The following PFKP variants were observed in gnomAD, a reference collection of about 807,000 sequenced individuals.
The protein encoded by PFKP is phosphofructokinase, platelet.
Under a neutral mutation model 94.3 loss-of-function variants are expected in PFKP, and 101 were observed. The observed-to-expected ratio is 1.07, with a 90% CI of 0.91 to 1.26. The LOEUF is 1.26. PFKP is among the 50% of genes most tolerant of loss of function. PFKP has a pLI of 0.00. For missense variants in PFKP, 1,145 were observed against 1,103.3 expected (o/e 1.04, Z -0.53); for synonymous variants, 573 against 432.6 (o/e 1.32, Z -4.03).
chr10:3,129,693 G>T, intron 16 of PFKP, 126 bp from the exon 17 acceptor site: 1 of 983,868 alleles, frequency 1.0e-6, no homozygotes, highest in Non-Finnish European at 1.5e-6. Context: ...CACCTCTGCG[G>T]GATGCTGGGA....
chr10:3,125,829 C>G (rs959751369), intron 16 of PFKP, among the ~76,000 whole-genome samples: 4 of 152,210 alleles, frequency 2.6e-5, no homozygotes, highest in Admixed American at 6.5e-5. Context: ...TCTGACCTAC[C>G]TCTATGGTCA....
intron 16 of PFKP, among the ~76,000 whole-genome samples, chr10:3,121,167 A>G (rs1837360998): frequency 6.6e-6 from 1 of 152,170 alleles, no homozygotes; most frequent in Non-Finnish European, 1.5e-5. Context: ...TTTGCGAAGG[A>G]AACCTGCCCA....
At position 3,067,658 on chromosome 10, in the gene PFKP, C is replaced by T; in HGVS notation, c.63C>T (p.Ser21=). ...TGCGGAAGTTCCTGGAGCACCTCTC[C>T]GGGGCCGGCAAGGCCATCGGCGTGC... is the stretch of plus-strand genomic sequence containing the variant. ...GSLRKFLEHL[S]GAGKAIGVLT... Residue 21 remains serine, a synonymous_variant, in exon 1 of 22, where the codon TCC becomes TCT. Transcript: ENST00000381125. The T allele has an allele frequency of 2.0e-6, 3 of 1,534,664 alleles. No homozygotes were observed. Among genetic ancestry groups the T allele is most frequent in the Non-Finnish European group, 2.6e-6 (3 of 1,140,256 alleles).
chr10:3,130,039 G>A (rs763685153), intron 17 of PFKP, 56 bp downstream of exon 17: 503 of 1,462,658 alleles, frequency 3.4e-4, no homozygotes, highest in Non-Finnish European at 4.3e-4. Context: ...TGGGTGCTGC[G>A]GAGTGAATCA....
chr10:3,070,707 A>G (rs1250064350), intron 1 of PFKP, among the ~76,000 whole-genome samples: 1 of 152,140 alleles, frequency 6.6e-6, no homozygotes, highest in Admixed American at 6.5e-5. Flanking sequence ...GGAGCAAAAC[A>G]GATCTTAATT....
rs1376695809 is a variant in PFKP, at chr10:3,115,279, CACG to C, written c.1372-1496_1372-1494del. Among the ~76,000 whole-genome samples the C allele has an allele frequency of 5.3e-4, 80 of 151,650 alleles. 3 individuals are homozygous for C. Among genetic ancestry groups the C allele is most frequent in the Middle Eastern group, 3.4e-3 (1 of 294 alleles). On this transcript the variant is annotated intron_variant, in intron 13 of 21. Transcript: ENST00000381125. ...GATGCTGGGGTGAAAGTGTGTGTCC[CACG>C]GCGGAGGACAGGACTGGGGATGCTG...
intron 10 of PFKP, among the ~76,000 whole-genome samples, chr10:3,110,954 A>C (rs1205596611): frequency 1.3e-5 from 2 of 150,244 alleles, no homozygotes; most frequent in Non-Finnish European, 3.0e-5. Context: ...GTGTGTGTGC[A>C]TGTTAGTGTG....
chr10:3,124,503 G>A (rs144800309), intron 16 of PFKP, among the ~76,000 whole-genome samples: 1 of 152,244 alleles, frequency 6.6e-6, no homozygotes, highest in Non-Finnish European at 1.5e-5. Context: ...CTTTGTGTGC[G>A]GCTTGCCGAG....
intron 16 of PFKP, among the ~76,000 whole-genome samples, chr10:3,126,973 G>A (rs1312716577): frequency 1.3e-5 from 2 of 152,256 alleles, no homozygotes; most frequent in East Asian, 3.8e-4. Flanking sequence ...CCAGCCCTGG[G>A]ACACAGCCCT....
At chr10:3,100,770 C>T (rs1193609641) in intron 3 of PFKP, 23 of 540,086 alleles carry the variant, frequency 4.3e-5, no homozygotes, top group Middle Eastern at 3.2e-4. Flanking sequence ...CCAAGTGTGA[C>T]GAATCATGAT....
intron 20 of PFKP, among the ~76,000 whole-genome samples, chr10:3,134,994 A>T (rs1420791065): frequency 6.6e-6 from 1 of 152,222 alleles, no homozygotes; most frequent in African/African-American, 2.4e-5. Flanking sequence ...TGAATTGTTC[A>T]TGTTTGTAGA....
chr10:3,081,761 TATGATACATTGTAAATAGAC>T (rs1181097532), intron 1 of PFKP, among the ~76,000 whole-genome samples: 28 of 85,644 alleles, frequency 3.3e-4, no homozygotes, highest in Non-Finnish European at 4.5e-5. Flanking sequence ...AGCAGACTTA[TATGATACATTGTAAATAGAC>T]ATGATACATT....
In PFKP at chr10:3,136,531, C is replaced by A; in HGVS notation, c.2307C>A (p.Asp769Glu). 1 of 1,613,582 alleles carries A rather than the reference C, an allele frequency of 6.2e-7. No homozygotes were observed. The highest frequency in any genetic ancestry group is 8.5e-7 in the Non-Finnish European group (1 of 1,179,754). Residue 769 changes from aspartate to glutamate, a missense_variant, in exon 22 of 22, where the codon GAC becomes GAA. Asp to Glu is a conservative substitution (Grantham distance 45). Transcript: ENST00000381125. Reference protein sequence around the residue: ...KILAKYKASYDVSDSGQLEHV... With the variant: ...KILAKYKASYEVSDSGQLEHV... ...TGGCCAAGTACAAGGCCAGCTATGACGTGTCGGACTCAGGCCAGCTGGAAC... is the reference window on the plus strand; with the variant it reads ...TGGCCAAGTACAAGGCCAGCTATGAAGTGTCGGACTCAGGCCAGCTGGAAC...
At chr10:3,069,738 A>T (rs1460453699) in intron 1 of PFKP, among the ~76,000 whole-genome samples, 1 of 152,160 alleles carries the variant, frequency 6.6e-6, no homozygotes, top group Non-Finnish European at 1.5e-5. Flanking sequence ...AGAAAGAAAA[A>T]AAATTAAGAT....
intron 2 of PFKP, among the ~76,000 whole-genome samples, chr10:3,084,330 G>T (rs977696815): frequency 5.4e-5 from 8 of 149,122 alleles, no homozygotes; most frequent in Non-Finnish European, 1.1e-4. Context: ...GGTTTCCCCT[G>T]TCTGCTTTCT....
chr10:3,080,281 G>C (rs1054430396), intron 1 of PFKP, among the ~76,000 whole-genome samples: 1 of 152,156 alleles, frequency 6.6e-6, no homozygotes, highest in African/African-American at 2.4e-5. Context: ...ACTTTGGGAG[G>C]CTGAGGCGGA....
rs778429333 is a variant in PFKP at position 3,113,376 on chromosome 10, A to G, written c.1229A>G (p.Asn410Ser). Residue 410 changes from asparagine to serine, a missense_variant, in exon 13 of 22, where the codon AAT becomes AGT. Transcript: ENST00000381125. Reference sequence around the variant, plus strand: ...CACCTGCCTTCTGTTTTGCAGACCAATTGCAACGTAGCTGTCATCAACGTG... The same window carrying G: ...CACCTGCCTTCTGTTTTGCAGACCAGTTGCAACGTAGCTGTCATCAACGTG... ...KLPDDQIPKT[N>S]CNVAVINVGA... 2.9e-5 allele frequency: 46 copies of G among 1,583,790 alleles called. No homozygotes were observed. The highest frequency in any genetic ancestry group is 9.0e-5 in the East Asian group (4 of 44,370).
At chr10:3,135,542 C>A (rs183916145) in intron 20 of PFKP, among the ~76,000 whole-genome samples, 194 bp from the exon 21 acceptor site, 1 of 152,220 alleles carries the variant, frequency 6.6e-6, no homozygotes, top group African/African-American at 2.4e-5. Flanking sequence ...GCCCTCGGGG[C>A]AGTCCCACAG....
intron 1 of PFKP, among the ~76,000 whole-genome samples, chr10:3,078,671 G>A (rs756609617): frequency 6.6e-6 from 1 of 152,230 alleles, no homozygotes; most frequent in Non-Finnish European, 1.5e-5. Context: ...TACTAATGTT[G>A]TTACCTTCCA....
Sources: gnomAD v4.1 joint callset for allele counts (sites outside exome capture counted in the v4.1 genomes callset) on GRCh38, gnomAD v4.1.1 for gene constraint, MANE v1.5 for transcripts, NCBI Gene and HGNC (gene_info 2026-07-23, HGNC 2026-07-21) for gene names.